MREG: variants seen among roughly 807,000 people sequenced by gnomAD.
The protein encoded by MREG is melanoregulin, also known as dilute suppressor protein homolog.
MREG carries 31 observed loss-of-function variants against 28.5 expected under a neutral mutation model. That is an observed-to-expected ratio of 1.09 (90% confidence interval 0.82 to 1.47). The LOEUF (loss-of-function observed/expected upper bound fraction) is 1.47, where lower values mean the gene tolerates loss of function less well. MREG is among the 40% of genes most tolerant of loss of function. The pLI is 0.00. For synonymous variants in MREG, 106 were observed against 95.2 expected, an observed-to-expected ratio of 1.11 and a Z score of -0.66; for missense variants, 256 against 257.4, an observed-to-expected ratio of 0.99 and a Z score of 0.04.
intron 2 of MREG, among the ~76,000 whole-genome samples, chr2:215,994,443 C>T (rs575691304): frequency 5.3e-5 from 8 of 151,660 alleles, no homozygotes; most frequent in African/African-American, 9.7e-5. Flanking sequence ...GGATGGCATT[C>T]GGAGAAATAC....
At chr2:215,985,600 T>TA (rs1457881588) in intron 2 of MREG, among the ~76,000 whole-genome samples, 14 of 149,260 alleles carry the variant, frequency 9.4e-5, no homozygotes, top group African/African-American at 3.1e-4. Context: ...TCTATATATA[T>TA]TTTTTTCCTG....
At chr2:215,996,153 C>T (rs1362391151) in intron 2 of MREG, among the ~76,000 whole-genome samples, 153 bp downstream of exon 2, 2 of 152,228 alleles carry the variant, frequency 1.3e-5, no homozygotes, top group African/African-American at 4.8e-5. Context: ...TAATTAGCAA[C>T]CAGTGATAAT....
At chr2:216,025,346 C>T (rs1403921659) in intron 1 of MREG, among the ~76,000 whole-genome samples, 2 of 152,216 alleles carry the variant, frequency 1.3e-5, no homozygotes, top group Non-Finnish European at 2.9e-5. Context: ...AGCTTCTCAA[C>T]TTAGAGGAGG....
upstream of MREG, among the ~76,000 whole-genome samples, chr2:216,015,743 G>C (rs1389420886): frequency 6.6e-6 from 1 of 152,180 alleles, no homozygotes; most frequent in Non-Finnish European, 1.5e-5. Flanking sequence ...CTGGACTCTA[G>C]CTGGAATTTG....
At chr2:216,002,103 A>G (rs3770561) in intron 1 of MREG, among the ~76,000 whole-genome samples, 98,925 of 151,942 alleles carry the variant, frequency 0.65, 33,255 homozygotes, top group African/African-American at 0.81. Flanking sequence ...CCTGGCCACC[A>G]CCTGCTGATG....
upstream of MREG, among the ~76,000 whole-genome samples, chr2:216,033,520 A>G (rs1694744189): frequency 6.6e-6 from 1 of 152,124 alleles, no homozygotes; most frequent in South Asian, 2.1e-4. Context: ...AAATAAGCAG[A>G]GAGAAACAGG....
chr2:215,995,696 T>C (rs1045094191), intron 2 of MREG, among the ~76,000 whole-genome samples: 2 of 152,290 alleles, frequency 1.3e-5, no homozygotes, highest in East Asian at 1.9e-4. Flanking sequence ...AAAAGTATGA[T>C]TGTCTTTGCT....
chr2:215,954,481 CACAA>C (rs1692570532), intron 2 of MREG, among the ~76,000 whole-genome samples: 1 of 151,514 alleles, frequency 6.6e-6, no homozygotes. Flanking sequence ...CACACACACA[CACAA>C]AACAACCAGA....
chr2:216,020,454 T>C (rs1371709619), intron 1 of MREG, among the ~76,000 whole-genome samples: 7 of 152,290 alleles, frequency 4.6e-5, no homozygotes, highest in Non-Finnish European at 7.4e-5. Flanking sequence ...TCCCAGACAG[T>C]TGATCAACAG....
chr2:215,994,427 G>C (rs1693805511), intron 2 of MREG, among the ~76,000 whole-genome samples: 1 of 151,828 alleles, frequency 6.6e-6, no homozygotes, highest in East Asian at 1.9e-4. Context: ...TGGGGGCCTA[G>C]GGGAGGGATG....
In MREG at chr2:215,995,506, C is replaced by CG. The variant is rs1559191569; in HGVS notation, c.255+799_255+800insC. On this transcript the variant is annotated intron_variant, in intron 2 of 4. Coordinates refer to ENST00000263268, the MANE Select transcript of MREG (RefSeq NM_018000.3). ...CAAGCTCCACAGCACCTCCACCCACCCCACCCCCCGCCACCAATATACACA... is the reference window on the plus strand; with the variant it reads ...CAAGCTCCACAGCACCTCCACCCACCGCCACCCCCCGCCACCAATATACACA... Among the ~76,000 whole-genome samples, 19 of 135,828 alleles carry CG rather than the reference C, an allele frequency of 1.4e-4. 1 individual carries two copies. The highest frequency in any genetic ancestry group is 3.6e-3 in the Middle Eastern group (1 of 274). 89.1% of individuals were successfully genotyped at this position (135,828 alleles called of 152,430 possible). A position where few individuals can be genotyped will look rare whatever the true frequency, so the allele number is the denominator to read the frequency against.
intron 2 of MREG, among the ~76,000 whole-genome samples, chr2:215,979,497 T>C (rs1262937886): frequency 1.4e-5 from 2 of 146,888 alleles, no homozygotes; most frequent in African/African-American, 5.0e-5. Context: ...ATAATAATAA[T>C]AATAATAATA....
Position 215,996,302 on chromosome 2 carries a change from T to C in MREG, c.255+4A>G. The C allele has an allele frequency of 3.1e-6, 5 of 1,612,158 alleles. No individual in the cohort carries two copies. In the South Asian group the frequency reaches 5.5e-5, roughly 18 times the overall value. On this transcript the variant is annotated splice_donor_region_variant and intron_variant, in intron 2 of 4. Coordinates refer to ENST00000263268, the MANE Select transcript of MREG (RefSeq NM_018000.3). ...CGCACAGCAAGACATCAAAAGGTGCTCACCTCTGAGTCTTTGGCCTGCTGA... is the reference window on the plus strand; with the variant it reads ...CGCACAGCAAGACATCAAAAGGTGCCCACCTCTGAGTCTTTGGCCTGCTGA...
At chr2:215,993,394 T>G (rs1315007879) in intron 2 of MREG, among the ~76,000 whole-genome samples, 6 of 152,172 alleles carry the variant, frequency 3.9e-5, no homozygotes, top group African/African-American at 1.2e-4. Context: ...CTGGACCCCT[T>G]CCTTATACCT....
intron 1 of MREG, among the ~76,000 whole-genome samples, chr2:216,003,918 C>T (rs1001260980): frequency 1.3e-5 from 2 of 152,230 alleles, no homozygotes; most frequent in Non-Finnish European, 1.5e-5. Flanking sequence ...CTATTCTTAA[C>T]ACAACAGCCA....
At chr2:215,969,448 C>A (rs1693029977) in intron 2 of MREG, among the ~76,000 whole-genome samples, 3 of 152,318 alleles carry the variant, frequency 2.0e-5, no homozygotes, top group Non-Finnish European at 4.4e-5. Flanking sequence ...AGTTCTCCTG[C>A]CAATTTCATG....
chr2:215,950,126 CACA>C (rs1223845849), intron 2 of MREG, among the ~76,000 whole-genome samples: 1 of 152,186 alleles, frequency 6.6e-6, no homozygotes, highest in Non-Finnish European at 1.5e-5. Context: ...CGTATGTTCA[CACA>C]ACTTTAACTT....
At chr2:215,972,250 G>A (rs1693119243) in intron 2 of MREG, among the ~76,000 whole-genome samples, 1 of 152,148 alleles carries the variant, frequency 6.6e-6, no homozygotes, top group Admixed American at 6.5e-5. Context: ...AAGGTTATCT[G>A]GAACTCCAGC....
intron 2 of MREG, among the ~76,000 whole-genome samples, chr2:215,961,092 C>T (rs1426604551): frequency 6.6e-6 from 1 of 152,216 alleles, no homozygotes; most frequent in Non-Finnish European, 1.5e-5. Flanking sequence ...AGAGGATAGG[C>T]AAAAGACTGG....
Sources: gnomAD v4.1 joint callset for allele counts (sites outside exome capture counted in the v4.1 genomes callset) on GRCh38, gnomAD v4.1.1 for gene constraint, MANE v1.5 for transcripts, NCBI Gene and HGNC (gene_info 2026-07-23, HGNC 2026-07-21) for gene names.